Variants in ATF7IP observed in about 807,000 individuals in gnomAD.
ATF7IP encodes the protein activating transcription factor 7 interacting protein.
A neutral mutation model predicts 106.4 loss-of-function variants in ATF7IP; 23 were observed. The observed-to-expected ratio is 0.22, with a 90% CI of 0.16 to 0.31. The LOEUF (loss-of-function observed/expected upper bound fraction) is 0.31, where lower values mean the gene tolerates loss of function less well. Ranked by LOEUF, ATF7IP falls within the 10% of genes least tolerant of loss-of-function variation. ATF7IP has a pLI of 1.00. For missense variants in ATF7IP, 1,334 were observed against 1,524.3 expected, an observed-to-expected ratio of 0.88 and a Z score of 2.08; for synonymous variants, 542 against 539.0, an observed-to-expected ratio of 1.01 and a Z score of -0.08.
chr12:14,413,292 A>G (rs1490549503), intron 1 of ATF7IP, among the ~76,000 whole-genome samples: 2 of 152,190 alleles, frequency 1.3e-5, no homozygotes, highest in South Asian at 2.1e-4. Flanking sequence ...ATAATTTAAT[A>G]CTTAGAAAGC....
intron 13 of ATF7IP, among the ~76,000 whole-genome samples, chr12:14,490,873 TC>T (rs1944793510): frequency 6.6e-6 from 1 of 152,142 alleles, no homozygotes; most frequent in East Asian, 1.9e-4. Flanking sequence ...GCTAAGTGGG[TC>T]AGAAAGCACC....
chr12:14,460,124 A>AT (rs1943582754), intron 8 of ATF7IP, among the ~76,000 whole-genome samples: 1 of 152,150 alleles, frequency 6.6e-6, no homozygotes. Context: ...GGCATTTATA[A>AT]TGTTTTTAAT....
chr12:14,455,689 A>G lies in ATF7IP; in HGVS notation c.1996-872A>G, dbSNP rs148159015. Among the ~76,000 whole-genome samples, 43 of 152,216 alleles carry G rather than the reference A, an allele frequency of 2.8e-4. No individual in the cohort carries two copies. The East Asian group carries it at 6.8e-3, about 24-fold the overall frequency. ...AACCTCTGCCTCCTCGGCTCAAGCT[A>G]TCCTCCCACCTCAGCCTCCCAAGAA... On this transcript the variant is annotated intron_variant, in intron 6 of 14. Coordinates refer to ENST00000261168, the MANE Select transcript of ATF7IP (RefSeq NM_018179.5).
intron 13 of ATF7IP, among the ~76,000 whole-genome samples, chr12:14,494,973 T>G (rs994923543): frequency 6.7e-5 from 10 of 148,944 alleles, no homozygotes; most frequent in African/African-American, 2.0e-4. Flanking sequence ...CAGTAGGCTG[T>G]CTGCAAGCTG....
intron 6 of ATF7IP, among the ~76,000 whole-genome samples, chr12:14,449,522 T>G (rs1943114794): frequency 6.6e-6 from 1 of 151,906 alleles, no homozygotes; most frequent in Non-Finnish European, 1.5e-5. Flanking sequence ...GCACCTCACT[T>G]TTTTCGATTA....
chr12:14,436,052 T>G, intron 3 of ATF7IP, 54 bp from the exon 4 acceptor site: 1 of 1,570,114 alleles, frequency 6.4e-7, no homozygotes, highest in Non-Finnish European at 8.7e-7. Context: ...ATAATATGCA[T>G]TAAGAGCTAT....
chr12:14,493,642 G>C (rs1317827116), intron 13 of ATF7IP, among the ~76,000 whole-genome samples: 1 of 152,038 alleles, frequency 6.6e-6, no homozygotes, highest in East Asian at 1.9e-4. Flanking sequence ...GCTTCATCAG[G>C]GTGCTTCTAC....
chr12:14,408,826 T>C (rs1477508303), intron 1 of ATF7IP, among the ~76,000 whole-genome samples: 1 of 152,208 alleles, frequency 6.6e-6, no homozygotes, highest in Non-Finnish European at 1.5e-5. Flanking sequence ...TTATTGTCTT[T>C]GCTTTCTAAA....
At position 14,475,907 on chromosome 12, in the gene ATF7IP, C is replaced by T. The variant is rs949259600; in HGVS notation, c.2880C>T (p.Gly960=). ...TTTTTCAGTGTGGAAAAGCCACTGG[C>T]AGTGATTCAAGTGGTGTCATTGATC... ...DSTSQCGKAT[G]SDSSGVIDLT... Residue 960 remains glycine (G), a synonymous_variant, in exon 11 of 15, where the codon GGC becomes GGT. Coordinates refer to ENST00000261168, the MANE Select transcript of ATF7IP (RefSeq NM_018179.5). The T allele has an allele frequency of 6.2e-7, 1 of 1,612,614 alleles. No individual in the cohort carries two copies. Among genetic ancestry groups the T allele is most frequent in the African/African-American group, 1.3e-5 (1 of 74,812 alleles).
chr12:14,402,276 T>A (rs1449317921), intron 1 of ATF7IP, among the ~76,000 whole-genome samples: 1 of 151,602 alleles, frequency 6.6e-6, no homozygotes, highest in Non-Finnish European at 1.5e-5. Flanking sequence ...CAGAGACACA[T>A]GTCACTATAC....
intron 6 of ATF7IP, among the ~76,000 whole-genome samples, chr12:14,453,154 CA>C (rs1943274584): frequency 1.3e-5 from 2 of 152,182 alleles, no homozygotes; most frequent in Admixed American, 1.3e-4. Flanking sequence ...GTGATTCAGA[CA>C]GCTTGGTTAT....
chr12:14,460,164 A>G (rs1211852713), intron 8 of ATF7IP, among the ~76,000 whole-genome samples: 1 of 152,124 alleles, frequency 6.6e-6, no homozygotes, highest in African/African-American at 2.4e-5. Flanking sequence ...TTTTTACTTA[A>G]CTTTTTAGTA....
rs964032735 is a variant in ATF7IP, at chr12:14,365,807, C to A, written c.-28C>A. 1 of 153,508 alleles carries A rather than the reference C, an allele frequency of 6.5e-6. No homozygotes were observed. Among genetic ancestry groups the A allele is most frequent in the African/African-American group, 2.4e-5 (1 of 41,458 alleles). 9.5% of individuals were successfully genotyped at this position (153,508 alleles called of 1,614,324 possible). On this transcript the variant is annotated 5_prime_UTR_variant, in exon 1 of 15. Transcript: ENST00000261168. ...GTAGGAAGGAACTTGGTTCCCCCTC[C>A]CTCAGCTTCCGCCCCAAAAGGTATA...
chr12:14,457,444 A>AC (rs1225865669), intron 8 of ATF7IP, 149 bp downstream of exon 8: 2 of 623,560 alleles, frequency 3.2e-6, no homozygotes, highest in Non-Finnish European at 5.5e-6. Context: ...TCAGGATCAA[A>AC]CTGGGTATGG....
At chr12:14,373,465 C>A (rs1437495404) in intron 1 of ATF7IP, among the ~76,000 whole-genome samples, 1 of 152,116 alleles carries the variant, frequency 6.6e-6, no homozygotes, top group Non-Finnish European at 1.5e-5. Context: ...CATATTCTTT[C>A]TTTTGAGAGC....
intron 1 of ATF7IP, among the ~76,000 whole-genome samples, chr12:14,403,422 G>T (rs1482629258): frequency 6.6e-6 from 1 of 152,170 alleles, no homozygotes; most frequent in Non-Finnish European, 1.5e-5. Flanking sequence ...TTGCCTCCTG[G>T]CCTTAATGAT....
chr12:14,445,369 C>T (rs1004621393), intron 5 of ATF7IP, among the ~76,000 whole-genome samples: 1 of 151,402 alleles, frequency 6.6e-6, no homozygotes, highest in East Asian at 1.9e-4. Flanking sequence ...TTCCCATATA[C>T]CTTTCTTTTC....
chr12:14,373,659 A>C (rs1030075466), intron 1 of ATF7IP, among the ~76,000 whole-genome samples: 1 of 152,214 alleles, frequency 6.6e-6, no homozygotes, highest in Admixed American at 6.5e-5. Flanking sequence ...ATTTTCTGCT[A>C]TATAAGGAAT....
intron 5 of ATF7IP, among the ~76,000 whole-genome samples, chr12:14,445,789 T>C (rs1465485699): frequency 6.6e-6 from 1 of 152,206 alleles, no homozygotes; most frequent in Non-Finnish European, 1.5e-5. Context: ...TATGCCCTTA[T>C]TGGATAAAAT....
Sources: gnomAD v4.1 joint callset for allele counts (sites outside exome capture counted in the v4.1 genomes callset) on GRCh38, gnomAD v4.1.1 for gene constraint, MANE v1.5 for transcripts, NCBI Gene and HGNC (gene_info 2026-07-23, HGNC 2026-07-21) for gene names.